The following MEIS2 variants were observed in gnomAD, a reference collection of about 807,000 sequenced individuals.
MEIS2 encodes the protein homeobox protein Meis2.
A neutral mutation model predicts 58.6 loss-of-function variants in MEIS2; 9 were observed. The ratio of observed to expected loss-of-function variants is 0.15; its 90% confidence interval spans 0.09 to 0.27. The LOEUF is 0.27. Among genes scored for constraint, MEIS2 ranks in the 10% least tolerant of loss-of-function variants. The probability of loss-of-function intolerance (pLI) is 1.00; values close to 1 mark genes in which losing one functional copy is unlikely to be tolerated. For synonymous variants in MEIS2, 221 were observed against 228.4 expected, an observed-to-expected ratio of 0.97 and a Z score of 0.29; for missense variants, 427 against 635.0, an observed-to-expected ratio of 0.67 and a Z score of 3.52.
chr15:37,023,258 AT>A (rs1362538083), intron 8 of MEIS2, among the ~76,000 whole-genome samples: 2 of 152,094 alleles, frequency 1.3e-5, no homozygotes, highest in East Asian at 3.8e-4. Context: ...ACTACTGATG[AT>A]TTTTTTCTCA....
At chr15:36,919,577 CAA>C (rs59119561) in intron 9 of MEIS2, among the ~76,000 whole-genome samples, 11,522 of 133,982 alleles carry the variant, frequency 0.086, 585 homozygotes, top group East Asian at 0.27. Flanking sequence ...AACTCCGTCT[CAA>C]AAAAAAAAAA....
At chr15:37,083,970 C>CA (rs570387441) in intron 6 of MEIS2, 85 bp from the exon 7 acceptor site, 25 of 1,109,636 alleles carry the variant, frequency 2.3e-5, no homozygotes, top group Middle Eastern at 4.1e-4. Flanking sequence ...CAGAAAGAGA[C>CA]AAAAAAATGT....
At chr15:37,061,585 A>C (rs2141842163) in intron 7 of MEIS2, among the ~76,000 whole-genome samples, 1 of 152,364 alleles carries the variant, frequency 6.6e-6, no homozygotes, top group South Asian at 2.1e-4. Flanking sequence ...GCTGGTTGCC[A>C]TGTCTACCTT....
At chr15:37,030,141 C>T (rs1377595117) in intron 8 of MEIS2, among the ~76,000 whole-genome samples, 1 of 152,192 alleles carries the variant, frequency 6.6e-6, no homozygotes, top group Non-Finnish European at 1.5e-5. Context: ...AGCATTCTCT[C>T]TCAAAAGTAG....
At chr15:37,024,688 T>A (rs1432862153) in intron 8 of MEIS2, among the ~76,000 whole-genome samples, 3 of 152,228 alleles carry the variant, frequency 2.0e-5, no homozygotes, top group Non-Finnish European at 2.9e-5. Flanking sequence ...ATTCCACTTA[T>A]CACTTGCTGC....
chr15:37,100,544 G>A lies in MEIS2; in HGVS notation c.-1078C>T, dbSNP rs1894978610. On this transcript the variant is annotated 5_prime_UTR_variant, in exon 1 of 12. Transcript: ENST00000561208. ...CCGCGCCGAGCCTCTGATATGCAAC[G>A]AGTGCGATCGGACAGCCCCGGCTGG... The A allele has an allele frequency of 1.4e-5, 2 of 147,708 alleles. No homozygotes were observed. Among genetic ancestry groups the A allele is most frequent in the Non-Finnish European group, 3.0e-5 (2 of 66,436 alleles). The allele number at this position is 147,708 out of a possible 1,614,324, so 9.1% of individuals were successfully genotyped here. A position where few individuals can be genotyped will look rare whatever the true frequency, so the allele number is the denominator to read the frequency against.
rs2055857869 is a variant in MEIS2 at position 36,891,565 on chromosome 15, T to C, written c.*608A>G. ...AAAAATAATAATAAGAATTGGCTTATGAAGCACGAACTATAAAGATCTGTT... is the reference window on the plus strand; with the variant it reads ...AAAAATAATAATAAGAATTGGCTTACGAAGCACGAACTATAAAGATCTGTT... On this transcript the variant is annotated 3_prime_UTR_variant, in exon 12 of 12. Coordinates refer to ENST00000561208, the MANE Select transcript of MEIS2 (RefSeq NM_170675.5). 6.5e-6 allele frequency: 1 copy of C among 152,970 alleles called. No individual in the cohort carries two copies. Among genetic ancestry groups the C allele is most frequent in the African/African-American group, 2.4e-5 (1 of 41,450 alleles). 9.5% of individuals were successfully genotyped at this position (152,970 alleles called of 1,614,324 possible).
At position 36,970,259 on chromosome 15, in the gene MEIS2, C is replaced by T. The variant is rs2059495373; in HGVS notation, c.901-19859G>A. On this transcript the variant is annotated intron_variant, in intron 8 of 11. Coordinates refer to ENST00000561208, the MANE Select transcript of MEIS2 (RefSeq NM_170675.5). ...TCTACTAAAAATACAAAAAAATTAGCCAGGCGTGGTGGCGGGCGCCTGTAG... is the reference window on the plus strand; with the variant it reads ...TCTACTAAAAATACAAAAAAATTAGTCAGGCGTGGTGGCGGGCGCCTGTAG... Among the ~76,000 whole-genome samples the T allele has an allele frequency of 2.6e-5, 4 of 152,004 alleles. No homozygotes were observed. The South Asian group carries it at 8.3e-4, about 32-fold the overall frequency.
At chr15:37,009,841 T>C (rs1160808891) in intron 8 of MEIS2, among the ~76,000 whole-genome samples, 2 of 151,978 alleles carry the variant, frequency 1.3e-5, no homozygotes, top group African/African-American at 4.8e-5. Context: ...AATTCTAACA[T>C]GTGTCTACAT....
At chr15:37,016,469 G>A (rs1007961446) in intron 8 of MEIS2, among the ~76,000 whole-genome samples, 4 of 151,854 alleles carry the variant, frequency 2.6e-5, no homozygotes, top group African/African-American at 9.7e-5. Context: ...CATGGCAGAC[G>A]GTGATTAATA....
At chr15:36,978,572 G>T (rs2141496513) in intron 8 of MEIS2, among the ~76,000 whole-genome samples, 1 of 152,210 alleles carries the variant, frequency 6.6e-6, no homozygotes, top group Admixed American at 6.5e-5. Context: ...TAGAAAAGTT[G>T]GAAAAGAAGG....
chr15:37,020,819 T>A (rs776829939), intron 8 of MEIS2, among the ~76,000 whole-genome samples: 170 of 152,294 alleles, frequency 1.1e-3, no homozygotes, highest in Non-Finnish European at 1.8e-3. Flanking sequence ...GATTTTTTTT[T>A]AAACTTATGT....
In MEIS2 at chr15:36,997,089, G is replaced by A. The variant is rs139268019; in HGVS notation, c.900+39725C>T. Among the ~76,000 whole-genome samples, 352 of 152,262 alleles carry A rather than the reference G, an allele frequency of 2.3e-3. 2 individuals carry two copies. The highest frequency in any genetic ancestry group is 7.7e-3 in the African/African-American group (319 of 41,560). Reference sequence around the variant, plus strand: ...GGAATAGCTCAGGGATTTAGAAGTCGGGAAATATAGGTTCTATTTCGAGCT... The same window carrying A: ...GGAATAGCTCAGGGATTTAGAAGTCAGGAAATATAGGTTCTATTTCGAGCT... On this transcript the variant is annotated intron_variant, in intron 8 of 11. Coordinates refer to ENST00000561208, the MANE Select transcript of MEIS2 (RefSeq NM_170675.5).
chr15:36,981,433 G>A (rs2059925662), intron 8 of MEIS2, among the ~76,000 whole-genome samples: 2 of 151,010 alleles, frequency 1.3e-5, no homozygotes, highest in South Asian at 4.2e-4. Flanking sequence ...TTCCTTTCCT[G>A]CATTGACTAG....
intron 8 of MEIS2, among the ~76,000 whole-genome samples, chr15:36,995,433 CTT>C (rs1412723232): frequency 6.6e-6 from 1 of 151,914 alleles, no homozygotes; most frequent in East Asian, 1.9e-4. Context: ...TTGAACATCT[CTT>C]GTTTTTACTT....
At chr15:37,008,551 A>AT (rs2061005818) in intron 8 of MEIS2, among the ~76,000 whole-genome samples, 1 of 152,200 alleles carries the variant, frequency 6.6e-6, no homozygotes, top group Admixed American at 6.5e-5. Context: ...TTCCTATAAT[A>AT]TTTTAAGTAC....
chr15:36,915,861 G>A (rs954600981), intron 9 of MEIS2, among the ~76,000 whole-genome samples: 1 of 152,222 alleles, frequency 6.6e-6, no homozygotes, highest in African/African-American at 2.4e-5. Context: ...TTGTAAAGAT[G>A]AGGATGCTTA....
At chr15:37,021,434 G>T (rs1595942879) in intron 8 of MEIS2, among the ~76,000 whole-genome samples, 1 of 152,246 alleles carries the variant, frequency 6.6e-6, no homozygotes, top group Non-Finnish European at 1.5e-5. Context: ...CCCATGGCTT[G>T]CCCCTACTTT....
intron 7 of MEIS2, among the ~76,000 whole-genome samples, chr15:37,057,343 G>C (rs1254968386): frequency 6.6e-6 from 1 of 152,160 alleles, no homozygotes; most frequent in Non-Finnish European, 1.5e-5. Flanking sequence ...CCAATGAACA[G>C]AACAGTTTTT....
Sources: gnomAD v4.1 joint callset for allele counts (sites outside exome capture counted in the v4.1 genomes callset) on GRCh38, gnomAD v4.1.1 for gene constraint, MANE v1.5 for transcripts, NCBI Gene and HGNC (gene_info 2026-07-23, HGNC 2026-07-21) for gene names.